The following LSAMP variants were observed in gnomAD, a reference collection of about 807,000 sequenced individuals.
The protein encoded by LSAMP is limbic system associated membrane protein.
Under a neutral mutation model 38.6 loss-of-function variants are expected in LSAMP, and 7 were observed. The ratio of observed to expected loss-of-function variants is 0.18; its 90% CI spans 0.10 to 0.34. LSAMP has a LOEUF of 0.34. Among genes scored for constraint, LSAMP ranks in the 10% least tolerant of loss-of-function variants. LSAMP has a pLI of 1.00. For synonymous variants in LSAMP, 154 were observed against 166.8 expected (o/e 0.92, Z 0.59); for missense variants, 313 against 420.0 (o/e 0.75, Z 2.23).
Position 115,827,694 on chromosome 3 carries a change from G to A in LSAMP, c.919+14151C>T, listed in dbSNP as rs542805454. Among the ~76,000 whole-genome samples the A allele has an allele frequency of 2.0e-5, 3 of 152,268 alleles. No individual in the cohort carries two copies. The South Asian group carries it at 6.2e-4, about 32-fold the overall frequency. On this transcript the variant is annotated intron_variant, in intron 6 of 6. Transcript: ENST00000490035. ...GGAAGCATGATAAATGACTTGTAAG[G>A]TCTCTTCCCCACTGATCTGTGGTGG...
intron 1 of LSAMP, among the ~76,000 whole-genome samples, chr3:116,299,866 C>CCAA (rs149062590): frequency 0.092 from 13,966 of 152,190 alleles, 964 homozygotes; most frequent in African/African-American, 0.19. Context: ...TGTGGGGAAA[C>CCAA]CAACAGCTTG....
chr3:116,259,922 A>G (rs867207409), intron 1 of LSAMP, among the ~76,000 whole-genome samples: 3 of 151,896 alleles, frequency 2.0e-5, no homozygotes, highest in African/African-American at 7.3e-5. Context: ...TTCTCATTTT[A>G]CCTCATCTCA....
chr3:116,161,739 T>G (rs988084248), intron 1 of LSAMP, among the ~76,000 whole-genome samples: 1 of 152,076 alleles, frequency 6.6e-6, no homozygotes, highest in African/African-American at 2.4e-5. Context: ...AGCATCAATA[T>G]GTAGTATCCA....
chr3:115,819,856 T>C (rs886953199), intron 6 of LSAMP, among the ~76,000 whole-genome samples: 2 of 152,180 alleles, frequency 1.3e-5, no homozygotes, highest in African/African-American at 4.8e-5. Context: ...TATTTTGGAC[T>C]CTTATTTCCT....
At chr3:116,151,443 G>A (rs1292294592) in intron 1 of LSAMP, among the ~76,000 whole-genome samples, 1 of 152,024 alleles carries the variant, frequency 6.6e-6, no homozygotes, top group Non-Finnish European at 1.5e-5. Flanking sequence ...GAGGCCTAGA[G>A]ATCAGAGGGA....
chr3:115,990,881 TTG>T (rs1939647296), intron 3 of LSAMP, among the ~76,000 whole-genome samples: 1 of 152,056 alleles, frequency 6.6e-6, no homozygotes, highest in Non-Finnish European at 1.5e-5. Context: ...ATTTGTTGTC[TTG>T]GATGGCCCCA....
In LSAMP at chr3:116,072,025, G is replaced by T. The variant is rs543074578; in HGVS notation, c.388+14299C>A. On this transcript the variant is annotated intron_variant, in intron 2 of 6. Coordinates refer to ENST00000490035, the MANE Select transcript of LSAMP (RefSeq NM_002338.5). ...GAGTCTTGCTCTGTCACCCAGGCTG[G>T]AGTGCAGTGGTGCGATCTCGGCTCA... Among the ~76,000 whole-genome samples the T allele has an allele frequency of 1.7e-4, 26 of 149,192 alleles. 2 individuals are homozygous for T. Among genetic ancestry groups the T allele is most frequent in the African/African-American group, 5.0e-4 (20 of 40,140 alleles).
intron 6 of LSAMP, among the ~76,000 whole-genome samples, chr3:115,828,370 A>G (rs1934495712): frequency 6.6e-6 from 1 of 152,044 alleles, no homozygotes; most frequent in Non-Finnish European, 1.5e-5. Flanking sequence ...TGTTTCCTCT[A>G]TGTACTACCA....
At chr3:116,076,383 G>A (rs1404761350) in intron 2 of LSAMP, among the ~76,000 whole-genome samples, 1 of 151,792 alleles carries the variant, frequency 6.6e-6, no homozygotes, top group Non-Finnish European at 1.5e-5. Flanking sequence ...TCAGCCTCCC[G>A]AGTAGCTGGG....
chr3:115,978,724 T>A (rs1273781280), intron 3 of LSAMP, among the ~76,000 whole-genome samples: 3 of 148,760 alleles, frequency 2.0e-5, no homozygotes, highest in Non-Finnish European at 3.0e-5. Context: ...TTGGCAGAAA[T>A]GATAAAATGG....
intron 3 of LSAMP, among the ~76,000 whole-genome samples, chr3:115,871,262 A>C (rs546084235): frequency 6.6e-6 from 1 of 152,070 alleles, no homozygotes. Context: ...TGAAACACAG[A>C]GATACTCATT....
intron 1 of LSAMP, among the ~76,000 whole-genome samples, chr3:116,158,322 C>T (rs1709804913): frequency 6.6e-6 from 1 of 152,162 alleles, no homozygotes; most frequent in African/African-American, 2.4e-5. Context: ...TCTCATCACT[C>T]CTACTCAACC....
At chr3:116,442,622 C>T (rs1379337090) in intron 1 of LSAMP, among the ~76,000 whole-genome samples, 1 of 152,126 alleles carries the variant, frequency 6.6e-6, no homozygotes, top group Non-Finnish European at 1.5e-5. Context: ...TGAAGCTCCA[C>T]CAACCCCAAA....
intron 4 of LSAMP, among the ~76,000 whole-genome samples, chr3:115,845,209 A>G (rs950296092): frequency 3.3e-4 from 51 of 152,288 alleles, no homozygotes; most frequent in African/African-American, 1.1e-3. Context: ...CTCAATAAAT[A>G]TTAGTTTCCA....
chr3:116,040,138 T>C (rs149585490), intron 2 of LSAMP, among the ~76,000 whole-genome samples: 79 of 152,306 alleles, frequency 5.2e-4, no homozygotes, highest in Admixed American at 1.2e-3. Flanking sequence ...TGGATAGTTT[T>C]ATCCTTCCTG....
At chr3:115,827,311 G>A (rs1053608015) in intron 6 of LSAMP, among the ~76,000 whole-genome samples, 2 of 150,064 alleles carry the variant, frequency 1.3e-5, no homozygotes, top group Admixed American at 1.3e-4. Context: ...TGGACACTTG[G>A]CCAAGGCACG....
intron 1 of LSAMP, among the ~76,000 whole-genome samples, chr3:116,096,257 G>A (rs1708223990): frequency 6.6e-6 from 1 of 152,154 alleles, no homozygotes. Flanking sequence ...AGTGAGCTCT[G>A]GAAGATCCTG....
intron 1 of LSAMP, among the ~76,000 whole-genome samples, chr3:116,392,348 G>T (rs928033640): frequency 6.6e-6 from 1 of 152,188 alleles, no homozygotes; most frequent in African/African-American, 2.4e-5. Flanking sequence ...CCCACTGCCT[G>T]GCTTCTCCCC....
At chr3:116,422,739 T>C (rs2049144192) in intron 1 of LSAMP, among the ~76,000 whole-genome samples, 1 of 152,244 alleles carries the variant, frequency 6.6e-6, no homozygotes, top group South Asian at 2.1e-4. Flanking sequence ...TTTTATTATA[T>C]ATAAGTTGTA....
Sources: gnomAD v4.1 joint callset for allele counts (sites outside exome capture counted in the v4.1 genomes callset) on GRCh38, gnomAD v4.1.1 for gene constraint, MANE v1.5 for transcripts, NCBI Gene and HGNC (gene_info 2026-07-23, HGNC 2026-07-21) for gene names.